The following CDK14 variants were observed in gnomAD, a reference collection of about 807,000 sequenced individuals.
CDK14 encodes cyclin-dependent kinase 14.
Under a neutral mutation model 60.7 loss-of-function variants are expected in CDK14, and 34 were observed. The observed-to-expected ratio is 0.56, with a 90% CI of 0.43 to 0.75. The LOEUF (loss-of-function observed/expected upper bound fraction) is 0.75. CDK14 is among the 30% of genes least tolerant of loss of function. The pLI is 0.00. For synonymous variants in CDK14, 197 were observed against 203.7 expected, an observed-to-expected ratio of 0.97 and a Z score of 0.28; for missense variants, 482 against 564.1, an observed-to-expected ratio of 0.85 and a Z score of 1.47.
chr7:90,866,569 A>G (rs1584062968), intron 6 of CDK14, among the ~76,000 whole-genome samples: 3 of 152,346 alleles, frequency 2.0e-5, no homozygotes, highest in Non-Finnish European at 4.4e-5. Context: ...TGATTTCACA[A>G]TGAAGTTTTC....
chr7:91,019,043 A>C (rs1796373294), intron 10 of CDK14, among the ~76,000 whole-genome samples: 1 of 152,154 alleles, frequency 6.6e-6, no homozygotes. Flanking sequence ...GGACATAAAC[A>C]TTCAGACCAC....
chr7:90,816,815 A>T (rs558012171), intron 5 of CDK14, among the ~76,000 whole-genome samples: 1 of 152,324 alleles, frequency 6.6e-6, no homozygotes, highest in East Asian at 1.9e-4. Context: ...CCAGTAAATC[A>T]CTGAATCTGA....
chr7:90,685,219 A>G (rs1176476131), intron 2 of CDK14, among the ~76,000 whole-genome samples: 1 of 152,052 alleles, frequency 6.6e-6, no homozygotes, highest in Non-Finnish European at 1.5e-5. Context: ...GCATTTATTG[A>G]ATAATCCATC....
intron 10 of CDK14, among the ~76,000 whole-genome samples, chr7:90,989,601 A>G (rs1234178184): frequency 2.6e-5 from 4 of 152,222 alleles, no homozygotes; most frequent in African/African-American, 9.6e-5. Context: ...ATCATGAATA[A>G]TTGCTGAGCA....
chr7:91,180,486 A>G (rs749918164), intron 14 of CDK14, among the ~76,000 whole-genome samples: 7 of 136,394 alleles, frequency 5.1e-5, no homozygotes, highest in Non-Finnish European at 8.8e-5. Flanking sequence ...ACATGCATAG[A>G]AAGAAGACTG....
intron 11 of CDK14, among the ~76,000 whole-genome samples, chr7:91,048,129 G>A (rs192848246): frequency 1.2e-4 from 19 of 152,234 alleles, no homozygotes; most frequent in South Asian, 6.2e-4. Context: ...AACAAGGAGC[G>A]TAGTGCAGAG....
At chr7:91,071,946 A>G (rs1199634386) in intron 11 of CDK14, among the ~76,000 whole-genome samples, 4 of 152,004 alleles carry the variant, frequency 2.6e-5, no homozygotes, top group Non-Finnish European at 4.4e-5. Flanking sequence ...ATCTTTTCTC[A>G]TGGGGACGGG....
At chr7:90,649,681 C>G (rs972570268) in intron 2 of CDK14, among the ~76,000 whole-genome samples, 1 of 151,812 alleles carries the variant, frequency 6.6e-6, no homozygotes, top group Admixed American at 6.6e-5. Flanking sequence ...TCATTGTTCA[C>G]TTCCCACCTG....
intron 10 of CDK14, among the ~76,000 whole-genome samples, chr7:91,036,160 G>A (rs1447927581): frequency 6.6e-6 from 1 of 152,166 alleles, no homozygotes; most frequent in Non-Finnish European, 1.5e-5. Flanking sequence ...GGTCTTAAAA[G>A]GCTGTAATCA....
intron 10 of CDK14, among the ~76,000 whole-genome samples, chr7:91,025,376 A>G (rs1424741568): frequency 2.0e-5 from 3 of 152,100 alleles, no homozygotes; most frequent in Non-Finnish European, 4.4e-5. Flanking sequence ...ATTAAAAGGC[A>G]TCTTGGGGAA....
chr7:91,112,626 C>A lies in CDK14; in HGVS notation c.1239C>A (p.Ala413=). The A allele has an allele frequency of 6.2e-7, 1 of 1,613,784 alleles. No individual in the cohort carries two copies. The highest frequency in any genetic ancestry group is 8.5e-7 in the Non-Finnish European group (1 of 1,179,866). ...SPKNRLSAQA[A]LSHEYFSDLP... The stretch of plus-strand genomic sequence containing the variant: ...AGAACAGACTGTCGGCACAGGCTGC[C>A]TTGAGCCACGAGTATTTTAGTGACC... The change falls in exon 13 of 15, where the codon GCC becomes GCA. Residue 413 remains alanine (A), a synonymous_variant. Coordinates refer to ENST00000380050, the MANE Select transcript of CDK14 (RefSeq NM_001287135.2).
intron 2 of CDK14, among the ~76,000 whole-genome samples, chr7:90,680,415 A>G (rs1350231044): frequency 6.6e-6 from 1 of 152,210 alleles, no homozygotes. Flanking sequence ...TTCATAACAC[A>G]ATTTGAATAG....
intron 7 of CDK14, 43 bp downstream of exon 7, chr7:90,899,396 G>A (rs566859740): frequency 2.0e-6 from 3 of 1,468,080 alleles, no homozygotes; most frequent in Admixed American, 4.4e-5. Context: ...CATTCTTGAT[G>A]TGTATTTTTT....
At chr7:90,799,732 A>G (rs982117568) in intron 5 of CDK14, among the ~76,000 whole-genome samples, 3 of 150,596 alleles carry the variant, frequency 2.0e-5, no homozygotes, top group Non-Finnish European at 4.4e-5. Flanking sequence ...AACCTGAGCA[A>G]TCATACGGCA....
chr7:91,074,675 C>A (rs1261912431), intron 11 of CDK14, among the ~76,000 whole-genome samples: 9 of 151,940 alleles, frequency 5.9e-5, no homozygotes, highest in Middle Eastern at 3.4e-3. Context: ...GATATGGAGA[C>A]ACAAAAAAAC....
chr7:90,922,403 T>C (rs1254589577), intron 8 of CDK14, among the ~76,000 whole-genome samples: 1 of 152,118 alleles, frequency 6.6e-6, no homozygotes. Context: ...TAATTGATAA[T>C]ATATGAACCA....
intron 3 of CDK14, among the ~76,000 whole-genome samples, chr7:90,736,536 G>A (rs892906745): frequency 4.6e-5 from 7 of 151,682 alleles, no homozygotes; most frequent in Non-Finnish European, 1.0e-4. Context: ...ATAGACACGG[G>A]TGTTATTTTT....
chr7:91,070,849 A>G (rs1287429138), intron 11 of CDK14, among the ~76,000 whole-genome samples: 1 of 152,198 alleles, frequency 6.6e-6, no homozygotes, highest in Non-Finnish European at 1.5e-5. Context: ...GAATACTAGT[A>G]AGAAAAGACA....
At chr7:91,020,186 A>C (rs1796398681) in intron 10 of CDK14, among the ~76,000 whole-genome samples, 1 of 152,194 alleles carries the variant, frequency 6.6e-6, no homozygotes, top group South Asian at 2.1e-4. Context: ...CAATCAAGTC[A>C]AACCTCCATG....
Sources: gnomAD v4.1 joint callset for allele counts (sites outside exome capture counted in the v4.1 genomes callset) on GRCh38, gnomAD v4.1.1 for gene constraint, MANE v1.5 for transcripts, NCBI Gene and HGNC (gene_info 2026-07-23, HGNC 2026-07-21) for gene names.